The following FERRY3 variants were observed in gnomAD, a reference collection of about 807,000 sequenced individuals.
FERRY3 encodes protein C12orf4.
the FERRY3 span, among the ~76,000 whole-genome samples, chr12:4,508,044 A>T: frequency 6.6e-6 from 1 of 152,320 alleles, no homozygotes; most frequent in East Asian, 1.9e-4. Flanking sequence ...AAAAACATAT[A>T]AACTATTTTT....
chr12:4,536,204 C>G, the FERRY3 span: 2 of 1,545,020 alleles, frequency 1.3e-6, no homozygotes, highest in African/African-American at 2.8e-5. Context: ...TATTCTTTGA[C>G]AGGATTTCTA....
chr12:4,532,322 G>A, the FERRY3 span, among the ~76,000 whole-genome samples: 3 of 152,124 alleles, frequency 2.0e-5, no homozygotes, highest in African/African-American at 4.8e-5. Flanking sequence ...GCACTGTACA[G>A]CATACAGCAT....
chr12:4,521,307 C>CT, the FERRY3 span, among the ~76,000 whole-genome samples: 1 of 151,982 alleles, frequency 6.6e-6, no homozygotes, highest in African/African-American at 2.4e-5. Context: ...TGCAATGAGC[C>CT]AAGATCGCGG....
At chr12:4,503,043 C>A in the FERRY3 span, among the ~76,000 whole-genome samples, 25 of 152,308 alleles carry the variant, frequency 1.6e-4, no homozygotes, top group African/African-American at 5.1e-4. Flanking sequence ...ACCTTCTAAA[C>A]CGCTACTGAT....
the FERRY3 span, among the ~76,000 whole-genome samples, chr12:4,521,522 C>A: frequency 6.6e-6 from 1 of 152,150 alleles, no homozygotes; most frequent in African/African-American, 2.4e-5. Context: ...CTATAACCAA[C>A]ATGTTAAAAG....
chr12:4,535,471 G>C, the FERRY3 span, among the ~76,000 whole-genome samples: 1 of 152,128 alleles, frequency 6.6e-6, no homozygotes, highest in Non-Finnish European at 1.5e-5. The surrounding 1 kb of genome is among the most constrained non-coding windows in gnomAD (Gnocchi z 4.0). Flanking sequence ...AAGTTTCTAG[G>C]TTCTCTTATA....
chr12:4,506,597 T>C, the FERRY3 span, among the ~76,000 whole-genome samples: 2 of 152,190 alleles, frequency 1.3e-5, no homozygotes, highest in Admixed American at 1.3e-4. Context: ...CTTGTTCACA[T>C]GGAGTATGAA....
the FERRY3 span, among the ~76,000 whole-genome samples, chr12:4,516,666 C>T: frequency 6.6e-6 from 1 of 152,174 alleles, no homozygotes; most frequent in Admixed American, 6.5e-5. Flanking sequence ...ATGATCAGAA[C>T]ACACGGACGC....
the FERRY3 span, among the ~76,000 whole-genome samples, chr12:4,532,717 AT>A: frequency 6.6e-6 from 1 of 151,240 alleles, no homozygotes; most frequent in African/African-American, 2.4e-5. Context: ...CAATGTTTTC[AT>A]TTTTTTTTAA....
At chr12:4,493,298 A>G in the FERRY3 span, among the ~76,000 whole-genome samples, 3,530 of 152,324 alleles carry the variant, frequency 0.023, 147 homozygotes, top group African/African-American at 0.08. Context: ...CTCTGAAGGT[A>G]GAAGCCACTT....
the FERRY3 span, among the ~76,000 whole-genome samples, chr12:4,516,867 G>T: frequency 6.6e-6 from 1 of 151,856 alleles, no homozygotes; most frequent in East Asian, 1.9e-4. Flanking sequence ...AGTAAAAGTT[G>T]AAGGAAAAAA....
At chr12:4,533,925 G>C in the FERRY3 span, 5 of 349,044 alleles carry the variant, frequency 1.4e-5, no homozygotes, top group East Asian at 1.8e-4. Flanking sequence ...CCCTGTGCTG[G>C]TGAGATATAT....
At chr12:4,489,884 T>C in the FERRY3 span, 2 of 1,606,996 alleles carry the variant, frequency 1.2e-6, no homozygotes, top group East Asian at 4.5e-5. Flanking sequence ...TGATAAAACA[T>C]TTCTTCAGAA....
chr12:4,532,497 C>G, the FERRY3 span, among the ~76,000 whole-genome samples: 2 of 152,176 alleles, frequency 1.3e-5, no homozygotes, highest in East Asian at 3.8e-4. Context: ...ACCCCTGTAC[C>G]ACCAGCCCAG....
the FERRY3 span, among the ~76,000 whole-genome samples, chr12:4,522,489 T>C: frequency 1.3e-5 from 2 of 152,196 alleles, no homozygotes; most frequent in Non-Finnish European, 2.9e-5. Context: ...ACTGCAAAAC[T>C]TACTAGAATG....
the FERRY3 span, chr12:4,536,328 A>G: frequency 3.6e-6 from 2 of 554,620 alleles, no homozygotes; most frequent in Non-Finnish European, 5.6e-6. Context: ...TCTATGAGCC[A>G]ATTATTCTAG....
At chr12:4,536,231 G>T in the FERRY3 span, 1 of 1,428,852 alleles carries the variant, frequency 7.0e-7, no homozygotes, top group Non-Finnish European at 9.5e-7. Flanking sequence ...TAACAAAAAA[G>T]CAGTAGGTTA....
chr12:4,532,241 C>CA, the FERRY3 span, among the ~76,000 whole-genome samples: 2 of 152,084 alleles, frequency 1.3e-5, no homozygotes, highest in Non-Finnish European at 2.9e-5. Flanking sequence ...ACTCACCTTT[C>CA]ACCAGACACC....
the FERRY3 span, chr12:4,530,074 C>A: frequency 6.3e-7 from 1 of 1,579,356 alleles, no homozygotes; most frequent in South Asian, 1.2e-5. Context: ...TACAGACAAT[C>A]TTAAATCATG....
Sources: allele counts gnomAD v4.1 joint callset (sites outside exome capture counted in the v4.1 genomes callset), GRCh38; gene constraint gnomAD v4.1.1; non-coding constraint Gnocchi (gnomAD v3.1); transcripts MANE v1.5; gene names NCBI Gene and HGNC (gene_info 2026-07-23, HGNC 2026-07-21).